Variants in PRKN observed in about 807,000 individuals in gnomAD.
PRKN encodes the protein E3 ubiquitin-protein ligase parkin.
A neutral mutation model predicts 59.5 loss-of-function variants in PRKN; 56 were observed. That is an observed-to-expected ratio of 0.94 (90% CI 0.76 to 1.18). PRKN has a LOEUF of 1.18. Among genes scored for constraint, PRKN ranks in the 50% most tolerant of loss-of-function variants. The pLI is 0.00. For synonymous variants in PRKN, 250 were observed against 222.1 expected, an observed-to-expected ratio of 1.13 and a Z score of -1.12; for missense variants, 657 against 596.4, an observed-to-expected ratio of 1.10 and a Z score of -1.06.
chr6:162,147,344 GAAAAAAAAA>G (rs767653516), intron 4 of PRKN, among the ~76,000 whole-genome samples: 4 of 42,068 alleles, frequency 9.5e-5, no homozygotes, highest in Non-Finnish European at 2.1e-4. Context: ...CTCTGTCTCA[GAAAAAAAAA>G]AAAAAAAAAA....
chr6:161,941,516 C>T lies in PRKN; in HGVS notation c.734+31786G>A, dbSNP rs549980962. 3.3e-5 allele frequency among the ~76,000 whole-genome samples: 5 copies of T among 152,322 alleles called. 1 individual carries two copies. In the South Asian group the frequency reaches 1.0e-3, roughly 32 times the overall value. Reference sequence around the variant, plus strand: ...CTCATTCTCCAAGGCCACTTGTGATCCGATTCTTCTGGTACACAAAGGCCA... The same window carrying T: ...CTCATTCTCCAAGGCCACTTGTGATTCGATTCTTCTGGTACACAAAGGCCA... On this transcript the variant is annotated intron_variant, in intron 6 of 11. Transcript: ENST00000366898.
intron 2 of PRKN, among the ~76,000 whole-genome samples, chr6:162,298,971 C>T (rs188440101): frequency 5.1e-4 from 77 of 152,226 alleles, no homozygotes; most frequent in African/African-American, 1.7e-3. Flanking sequence ...TTCCAGCCCC[C>T]GCTCTTCCAG....
intron 1 of PRKN, among the ~76,000 whole-genome samples, chr6:162,456,744 T>C (rs1325926600): frequency 6.6e-6 from 1 of 152,210 alleles, no homozygotes; most frequent in African/African-American, 2.4e-5. Context: ...CCTTGTTTTA[T>C]GTGTGTTTCT....
chr6:162,684,520 C>G (rs565041354), intron 1 of PRKN, among the ~76,000 whole-genome samples: 56 of 152,170 alleles, frequency 3.7e-4, no homozygotes, highest in African/African-American at 1.3e-3. Flanking sequence ...ACAATGTATC[C>G]ATTTAGAGAG....
At chr6:162,366,734 C>T (rs933589522) in intron 2 of PRKN, among the ~76,000 whole-genome samples, 10 of 151,834 alleles carry the variant, frequency 6.6e-5, no homozygotes, top group Admixed American at 4.6e-4. Flanking sequence ...GGAGAAACCC[C>T]GCCTCTATAA....
At chr6:161,903,325 G>A (rs1041863990) in intron 6 of PRKN, among the ~76,000 whole-genome samples, 5 of 152,120 alleles carry the variant, frequency 3.3e-5, no homozygotes, top group African/African-American at 1.2e-4. Context: ...TGCAAAGTGG[G>A]CTCTTTTGTT....
chr6:161,988,901 T>G (rs1183673395), intron 5 of PRKN, among the ~76,000 whole-genome samples: 2 of 152,234 alleles, frequency 1.3e-5, no homozygotes, highest in Admixed American at 1.3e-4. Flanking sequence ...CTTTATCATG[T>G]TTAATTTAGC....
At chr6:162,086,946 G>T (rs971315404) in intron 4 of PRKN, among the ~76,000 whole-genome samples, 1 of 152,158 alleles carries the variant, frequency 6.6e-6, no homozygotes, top group Non-Finnish European at 1.5e-5. Flanking sequence ...AAATTCAAGC[G>T]TAAATTGAGC....
chr6:161,838,186 C>T (rs1792839699), intron 6 of PRKN, among the ~76,000 whole-genome samples: 1 of 152,210 alleles, frequency 6.6e-6, no homozygotes, highest in Admixed American at 6.5e-5. Flanking sequence ...TCCTTAAAAC[C>T]ATGCTATGGT....
At chr6:161,621,304 C>A (rs1782888661) in intron 7 of PRKN, among the ~76,000 whole-genome samples, 1 of 152,002 alleles carries the variant, frequency 6.6e-6, no homozygotes, top group African/African-American at 2.4e-5. Context: ...AGCTGAAGAC[C>A]CTGGGATGCT....
chr6:162,484,830 A>G (rs551940634), intron 1 of PRKN, among the ~76,000 whole-genome samples: 2 of 152,316 alleles, frequency 1.3e-5, no homozygotes, highest in South Asian at 2.1e-4. Flanking sequence ...TGCTGTTAGC[A>G]TATTCAAGAA....
chr6:161,637,180 G>A (rs1040898380), intron 7 of PRKN, among the ~76,000 whole-genome samples: 5 of 152,112 alleles, frequency 3.3e-5, no homozygotes, highest in African/African-American at 1.2e-4. Context: ...TTTTTCTAAG[G>A]TATTCATGCA....
intron 1 of PRKN, among the ~76,000 whole-genome samples, chr6:162,607,275 C>G (rs1781959658): frequency 6.6e-6 from 1 of 152,118 alleles, no homozygotes; most frequent in Admixed American, 6.5e-5. Flanking sequence ...CCAAAAAAGA[C>G]AGGAAAACAC....
chr6:162,420,550 A>C (rs1399031702), intron 2 of PRKN, among the ~76,000 whole-genome samples: 1 of 152,184 alleles, frequency 6.6e-6, no homozygotes, highest in Non-Finnish European at 1.5e-5. Flanking sequence ...GGAACTCTTA[A>C]AACTGCATTT....
At chr6:162,340,619 A>G (rs571442947) in intron 2 of PRKN, among the ~76,000 whole-genome samples, 24 of 152,198 alleles carry the variant, frequency 1.6e-4, no homozygotes, top group Non-Finnish European at 2.9e-4. Context: ...CTCAGAAATA[A>G]CACCACGCAT....
intron 1 of PRKN, among the ~76,000 whole-genome samples, chr6:162,724,448 G>C (rs1053104307): frequency 6.6e-6 from 1 of 152,200 alleles, no homozygotes; most frequent in Non-Finnish European, 1.5e-5. Flanking sequence ...CATGTCATTA[G>C]CAGTGAGGTC....
intron 7 of PRKN, among the ~76,000 whole-genome samples, chr6:161,689,965 G>A (rs1308568625): frequency 6.6e-6 from 1 of 152,016 alleles, no homozygotes; most frequent in African/African-American, 2.4e-5. Flanking sequence ...GCCCGCCTCG[G>A]CCTCCCAAAG....
intron 2 of PRKN, among the ~76,000 whole-genome samples, chr6:162,320,390 C>A (rs1583373179): frequency 4.8e-4 from 19 of 39,468 alleles, no homozygotes; most frequent in Admixed American, 6.7e-4. Context: ...AAAAACCAAG[C>A]ATTTTAAGAT....
chr6:162,011,232 T>TAGTATATACTTATAATAC (rs1782657471), intron 5 of PRKN, among the ~76,000 whole-genome samples: 1 of 10,858 alleles, frequency 9.2e-5, no homozygotes, highest in Non-Finnish European at 1.9e-4. Context: ...ATTTATAATA[T>TAGTATATACTTATAATAC]ATAATTTATA....
Sources: gnomAD v4.1 joint callset for allele counts (sites outside exome capture counted in the v4.1 genomes callset) on GRCh38, gnomAD v4.1.1 for gene constraint, MANE v1.5 for transcripts, NCBI Gene and HGNC (gene_info 2026-07-23, HGNC 2026-07-21) for gene names.